Variants in TDRD12 observed in about 807,000 individuals in gnomAD.
TDRD12 encodes the protein tudor domain containing 12.
In TDRD12, 158 loss-of-function variants were observed where a neutral mutation model predicts 133.5. The observed-to-expected ratio is 1.18, with a 90% confidence interval of 1.04 to 1.35. The LOEUF is 1.35. TDRD12 is among the 40% of genes most tolerant of loss of function. TDRD12 has a pLI of 0.00. For synonymous variants in TDRD12, 460 were observed against 477.9 expected (o/e 0.96, Z 0.49); for missense variants, 1,443 against 1,321.3 (o/e 1.09, Z -1.43).
chr19:32,756,191 T>G lies in TDRD12; in HGVS notation c.772+10T>G, dbSNP rs749384601. Reference sequence around the variant, plus strand: ...GTTCAAGGAATGGAAGGTGAGTAGATTCTCATCATATCAATTTCCCTTACA... The same window carrying G: ...GTTCAAGGAATGGAAGGTGAGTAGAGTCTCATCATATCAATTTCCCTTACA... On this transcript the variant is annotated intron_variant, in intron 7 of 27. Transcript: ENST00000444215. 3 of 1,406,404 alleles carry G rather than the reference T, an allele frequency of 2.1e-6. No homozygotes were observed. The highest frequency in any genetic ancestry group is 3.8e-5 in the Admixed American group (1 of 26,174). 87.1% of individuals were successfully genotyped at this position (1,406,404 alleles called of 1,614,324 possible). A position where few individuals can be genotyped will look rare whatever the true frequency, so the allele number is the denominator to read the frequency against.
intron 4 of TDRD12, among the ~76,000 whole-genome samples, chr19:32,744,980 C>A (rs1015604885): frequency 2.6e-5 from 4 of 151,700 alleles, no homozygotes; most frequent in African/African-American, 9.7e-5. Context: ...GTGGTGAGTG[C>A]ATCACTCTTG....
intron 8 of TDRD12, among the ~76,000 whole-genome samples, chr19:32,772,260 C>T (rs1970461981): frequency 6.6e-6 from 1 of 152,174 alleles, no homozygotes; most frequent in African/African-American, 2.4e-5. Flanking sequence ...AGCGTCATGG[C>T]TGGGCTTCAA....
At chr19:32,741,009 A>G (rs1969408814) in intron 3 of TDRD12, among the ~76,000 whole-genome samples, 1 of 152,230 alleles carries the variant, frequency 6.6e-6, no homozygotes, top group Admixed American at 6.6e-5. Flanking sequence ...AGTTTAATAA[A>G]TATGAGGATT....
chr19:32,777,218 T>A, exon 11 of TDRD12: 1 of 1,534,840 alleles, frequency 6.5e-7, no homozygotes. Flanking sequence ...ATGAGAAGAA[T>A]AGCTGTGTGA....
chr19:32,823,298 G>A (rs549140787), downstream of TDRD12, among the ~76,000 whole-genome samples: 1 of 152,308 alleles, frequency 6.6e-6, no homozygotes, highest in East Asian at 1.9e-4. Flanking sequence ...CCCACTGCCT[G>A]TGTGATTCCC....
chr19:32,806,827 A>G (rs745350742), intron 21 of TDRD12, among the ~76,000 whole-genome samples: 1 of 150,930 alleles, frequency 6.6e-6, no homozygotes, highest in Non-Finnish European at 1.5e-5. Flanking sequence ...ATGCGCAGCT[A>G]ATTTTTGTAT....
At chr19:32,731,958 A>T (rs1221002947) in intron 2 of TDRD12, 75 bp downstream of exon 2, 45 of 1,390,314 alleles carry the variant, frequency 3.2e-5, no homozygotes, top group Non-Finnish European at 4.2e-5. Context: ...GGCAACGATG[A>T]TGATTCAAGC....
chr19:32,722,883 T>A (rs1028289604), intron 1 of TDRD12, among the ~76,000 whole-genome samples: 3 of 152,084 alleles, frequency 2.0e-5, no homozygotes. Flanking sequence ...TTTCAGCATC[T>A]TGTCCAGGCT....
In TDRD12 at chr19:32,757,272, A is replaced by G. The variant is rs535197193; in HGVS notation, c.865+142A>G. The G allele has an allele frequency of 1.1e-5, 8 of 702,182 alleles. No homozygotes were observed. In the Admixed American group the frequency reaches 1.4e-4, roughly 12 times the overall value. The allele number at this position is 702,182 out of a possible 1,614,324, so 43.5% of individuals were successfully genotyped here. On this transcript the variant is annotated intron_variant, in intron 8 of 27. Transcript: ENST00000444215. ...TTAATGTAACCAATTTGTGATGTAG[A>G]TCCTGAAAGAGTTCATGTGTCCTGC...
At chr19:32,773,609 G>A (rs1204907355) in intron 10 of TDRD12, 77 bp downstream of exon 10, 8 of 1,322,470 alleles carry the variant, frequency 6.0e-6, no homozygotes, top group East Asian at 2.5e-5. Context: ...GAGCTGGGGG[G>A]ATCGCTTAAG....
intron 1 of TDRD12, among the ~76,000 whole-genome samples, chr19:32,720,811 C>T (rs1968628709): frequency 8.4e-6 from 1 of 119,476 alleles, no homozygotes; most frequent in African/African-American, 3.4e-5. Flanking sequence ...CCCCGCCCTC[C>T]CCCACCTGAA....
intron 4 of TDRD12, among the ~76,000 whole-genome samples, chr19:32,748,076 G>A (rs993501733): frequency 1.3e-5 from 2 of 152,108 alleles, no homozygotes; most frequent in African/African-American, 2.4e-5. Context: ...TGAGGGTGTC[G>A]GTGTACCAGC....
intron 1 of TDRD12, among the ~76,000 whole-genome samples, chr19:32,728,880 C>T (rs975636934): frequency 5.3e-5 from 8 of 149,602 alleles, no homozygotes; most frequent in African/African-American, 2.0e-4. Context: ...ATCTCCTAAC[C>T]TTGTGATCCG....
intron 24 of TDRD12, 103 bp downstream of exon 24, chr19:32,811,523 G>A: frequency 4.4e-6 from 5 of 1,137,888 alleles, no homozygotes; most frequent in East Asian, 5.1e-5. Context: ...GTCACGTTTG[G>A]GCAGGGAAAG....
At chr19:32,818,205 G>T (rs561639641) in intron 27 of TDRD12, 48 bp downstream of exon 27, 114 of 682,908 alleles carry the variant, frequency 1.7e-4, no homozygotes, top group Non-Finnish European at 2.9e-4. Flanking sequence ...CAGGGACAGG[G>T]GGCCATGTGT....
intron 26 of TDRD12, 65 bp downstream of exon 26, chr19:32,815,685 A>G: frequency 1.4e-6 from 2 of 1,433,070 alleles, no homozygotes; most frequent in East Asian, 2.5e-5. Flanking sequence ...ACAAGTGTTA[A>G]GGACATGTTT....
At chr19:32,736,189 G>A (rs563243978) in intron 2 of TDRD12, among the ~76,000 whole-genome samples, 2 of 152,224 alleles carry the variant, frequency 1.3e-5, no homozygotes, top group East Asian at 1.9e-4. Flanking sequence ...ATCTGTTCAC[G>A]CATGGCTTAC....
At chr19:32,758,745 G>T (rs1970065940) in intron 8 of TDRD12, among the ~76,000 whole-genome samples, 1 of 152,140 alleles carries the variant, frequency 6.6e-6, no homozygotes, top group Admixed American at 6.5e-5. Flanking sequence ...GACCAGCCTG[G>T]CCAATATGGT....
chr19:32,772,678 A>G, intron 8 of TDRD12, 75 bp from the exon 9 acceptor site: 1 of 852,522 alleles, frequency 1.2e-6, no homozygotes, highest in Non-Finnish European at 1.8e-6. Context: ...TGCTTTTATT[A>G]TATTCCTTTT....
Sources: gnomAD v4.1 joint callset for allele counts (sites outside exome capture counted in the v4.1 genomes callset) on GRCh38, gnomAD v4.1.1 for gene constraint, MANE v1.5 for transcripts, NCBI Gene and HGNC (gene_info 2026-07-23, HGNC 2026-07-21) for gene names.